Variants in GRIA2 observed in about 807,000 individuals in gnomAD.
The protein encoded by GRIA2 is glutamate receptor 2.
GRIA2 carries 14 observed loss-of-function variants against 97.3 expected under a neutral mutation model. That is an observed-to-expected ratio of 0.14 (90% CI 0.10 to 0.23). GRIA2 has a LOEUF of 0.23. Ranked by LOEUF, GRIA2 falls within the 10% of genes least tolerant of loss-of-function variation. The probability of loss-of-function intolerance (pLI) is 1.00; values close to 1 mark genes in which losing one functional copy is unlikely to be tolerated. For synonymous variants in GRIA2, 412 were observed against 387.8 expected (o/e 1.06, Z -0.73); for missense variants, 558 against 1,069.8 (o/e 0.52, Z 6.67).
chr4:157,263,109 A>G (rs1217229974), intron 2 of GRIA2, among the ~76,000 whole-genome samples: 1 of 152,120 alleles, frequency 6.6e-6, no homozygotes, highest in Admixed American at 6.6e-5. Context: ...CTAGGCCACA[A>G]TCTTACATGG....
chr4:157,293,506 T>A (rs566557078), intron 2 of GRIA2, among the ~76,000 whole-genome samples: 1 of 152,118 alleles, frequency 6.6e-6, no homozygotes, highest in Non-Finnish European at 1.5e-5. Context: ...CAAATTCGAC[T>A]CTTACTAGAA....
chr4:157,303,869 G>T, intron 3 of GRIA2, 78 bp downstream of exon 3: 2 of 1,441,786 alleles, frequency 1.4e-6, no homozygotes, highest in Non-Finnish European at 1.9e-6. Context: ...ATGTTATAAA[G>T]CTACAAAGGT....
chr4:157,317,637 T>G, intron 4 of GRIA2, 21 bp from the exon 5 acceptor site: 1 of 875,266 alleles, frequency 1.1e-6, no homozygotes, highest in Non-Finnish European at 1.9e-6. Context: ...AATTAAATAA[T>G]TACTTATTTG....
chr4:157,299,330 G>A (rs958696128), intron 2 of GRIA2, among the ~76,000 whole-genome samples: 1 of 152,114 alleles, frequency 6.6e-6, no homozygotes, highest in African/African-American at 2.4e-5. Context: ...GAGGCTTTCA[G>A]TGGTTTCCAT....
chr4:157,227,190 A>T, intron 2 of GRIA2, among the ~76,000 whole-genome samples: 1 of 152,242 alleles, frequency 6.6e-6, no homozygotes, highest in East Asian at 1.9e-4. Flanking sequence ...GCAAACTTCA[A>T]CCTGCTGGCT....
At chr4:157,289,319 A>T (rs1202777270) in intron 2 of GRIA2, among the ~76,000 whole-genome samples, 7 of 151,968 alleles carry the variant, frequency 4.6e-5, no homozygotes, top group African/African-American at 1.7e-4. Flanking sequence ...GGAAGTAATG[A>T]AAGTAAACAT....
chr4:157,256,354 C>G (rs1305343182), intron 2 of GRIA2, among the ~76,000 whole-genome samples: 1 of 144,850 alleles, frequency 6.9e-6, no homozygotes, highest in East Asian at 2.0e-4. Flanking sequence ...GGTTTCCACT[C>G]TCACTGTTTT....
At chr4:157,288,244 C>T (rs780025795) in intron 2 of GRIA2, among the ~76,000 whole-genome samples, 70 of 151,586 alleles carry the variant, frequency 4.6e-4, no homozygotes, top group Non-Finnish European at 9.7e-4. Flanking sequence ...GAATCTTTGA[C>T]GTCACCTGGT....
At chr4:157,261,692 GTTTC>G (rs1731543420) in intron 2 of GRIA2, among the ~76,000 whole-genome samples, 1 of 152,084 alleles carries the variant, frequency 6.6e-6, no homozygotes, top group African/African-American at 2.4e-5. Flanking sequence ...CCTTCGTGAT[GTTTC>G]TTTTGCTTTG....
intron 2 of GRIA2, among the ~76,000 whole-genome samples, chr4:157,277,001 T>A (rs1387984759): frequency 2.6e-5 from 4 of 152,018 alleles, no homozygotes; most frequent in Admixed American, 1.3e-4. Flanking sequence ...GATATGCCAA[T>A]TTACAATAGA....
At chr4:157,360,788 A>G (rs1168736722) in intron 13 of GRIA2, 3 of 602,574 alleles carry the variant, frequency 5.0e-6, no homozygotes, top group Non-Finnish European at 6.2e-6. Context: ...TCCCCATATT[A>G]GCACTCTTTC....
intron 2 of GRIA2, among the ~76,000 whole-genome samples, chr4:157,284,562 T>A (rs1466771279): frequency 6.6e-6 from 1 of 151,762 alleles, no homozygotes; most frequent in Non-Finnish European, 1.5e-5. Context: ...AATTGAGATG[T>A]CTTGAGTTCC....
In GRIA2 at chr4:157,221,686, C is replaced by G. The variant is rs371935251; in HGVS notation, c.108C>G (p.Gly36=). 6.8e-6 allele frequency: 11 copies of G among 1,613,854 alleles called. No homozygotes were observed. Among genetic ancestry groups the G allele is most frequent in the African/African-American group, 2.7e-5 (2 of 74,902 alleles). The change falls in exon 2 of 16, where the codon GGC becomes GGG. Residue 36 remains glycine, a synonymous_variant. Coordinates refer to ENST00000264426, the MANE Select transcript of GRIA2 (RefSeq NM_001083619.3). ...TTGCAGGGGGGCTATTTCCTAGGGG[C>G]GCCGATCAAGAATACAGTGCATTTC... ...SIQIGGLFPR[G]ADQEYSAFRV...
At chr4:157,357,898 G>A (rs1214133560) in intron 12 of GRIA2, among the ~76,000 whole-genome samples, 1 of 151,938 alleles carries the variant, frequency 6.6e-6, no homozygotes. Context: ...AACAGAAAAT[G>A]TTATTGCTAA....
intron 2 of GRIA2, among the ~76,000 whole-genome samples, chr4:157,280,799 G>A (rs1732558148): frequency 6.6e-6 from 1 of 151,938 alleles, no homozygotes; most frequent in Admixed American, 6.6e-5. Flanking sequence ...GTCGTAACTT[G>A]AATCAAGGAG....
At chr4:157,290,918 C>CTA (rs1190628850) in intron 2 of GRIA2, among the ~76,000 whole-genome samples, 1 of 151,740 alleles carries the variant, frequency 6.6e-6, no homozygotes, top group African/African-American at 2.4e-5. Flanking sequence ...ATTTAGACAC[C>CTA]TTAAAATGGA....
At chr4:157,248,982 C>A (rs1269209946) in intron 2 of GRIA2, among the ~76,000 whole-genome samples, 1 of 151,596 alleles carries the variant, frequency 6.6e-6, no homozygotes, top group African/African-American at 2.4e-5. Flanking sequence ...GGCCTATAGG[C>A]GTGCAACACC....
intron 12 of GRIA2, among the ~76,000 whole-genome samples, chr4:157,355,506 G>T (rs2126982448): frequency 7.0e-6 from 1 of 142,298 alleles, no homozygotes; most frequent in South Asian, 2.3e-4. Context: ...CCAGCCTGGG[G>T]GACAAGAACG....
intron 12 of GRIA2, among the ~76,000 whole-genome samples, chr4:157,347,890 C>A (rs113845419): frequency 6.6e-6 from 1 of 152,074 alleles, no homozygotes; most frequent in East Asian, 1.9e-4. Context: ...CTTTGGGAGG[C>A]CAAGGCAGGC....
Sources: allele counts gnomAD v4.1 joint callset (sites outside exome capture counted in the v4.1 genomes callset), GRCh38; gene constraint gnomAD v4.1.1; transcripts MANE v1.5; gene names NCBI Gene and HGNC (gene_info 2026-07-23, HGNC 2026-07-21).